The following NFRKB variants were observed in gnomAD, a reference collection of about 807,000 sequenced individuals.
NFRKB encodes nuclear factor related to kappa-B-binding protein.
Under a neutral mutation model 135.7 loss-of-function variants are expected in NFRKB, and 62 were observed. The observed-to-expected ratio is 0.46, with a 90% CI of 0.37 to 0.56. NFRKB has a LOEUF of 0.56. NFRKB is among the 20% of genes least tolerant of loss of function. The pLI is 0.00. For missense variants in NFRKB, 1,545 were observed against 1,662.0 expected, an observed-to-expected ratio of 0.93 and a Z score of 1.22; for synonymous variants, 678 against 635.6, an observed-to-expected ratio of 1.07 and a Z score of -1.00.
chr11:129,870,287 G>T, intron 23 of NFRKB, 26 bp from the exon 24 acceptor site: 1 of 1,599,180 alleles, frequency 6.3e-7, no homozygotes, highest in Non-Finnish European at 8.6e-7. Context: ...CAGCACTGAT[G>T]AGGGATTCAC....
intron 3 of NFRKB, among the ~76,000 whole-genome samples, chr11:129,890,982 A>G (rs751217182): frequency 6.6e-6 from 1 of 152,268 alleles, no homozygotes; most frequent in African/African-American, 2.4e-5. Context: ...ATAACTGAAC[A>G]TAACAATGTA....
At chr11:129,882,291 C>A in intron 10 of NFRKB, 97 bp from the exon 11 acceptor site, 1 of 1,343,066 alleles carries the variant, frequency 7.4e-7, no homozygotes, top group South Asian at 1.4e-5. Flanking sequence ...TAAAAGAGTT[C>A]AAGAAAGGAG....
chr11:129,873,736 C>A lies in NFRKB; in HGVS notation c.2550+9G>T. ...TCTGCTTCCCAATGACCACGGCTTC[C>A]CTGTTTACCTGGGGCACTACTTTGG... On this transcript the variant is annotated intron_variant, in intron 22 of 26. Coordinates refer to ENST00000682444, the MANE Select transcript of NFRKB (RefSeq NM_001143835.2). The A allele has an allele frequency of 6.2e-7, 1 of 1,608,188 alleles. No individual in the cohort carries two copies. The highest frequency in any genetic ancestry group is 8.5e-7 in the Non-Finnish European group (1 of 1,174,958).
chr11:129,888,912 G>T, intron 3 of NFRKB, 117 bp from the exon 4 acceptor site: 1 of 735,550 alleles, frequency 1.4e-6, no homozygotes, highest in Non-Finnish European at 2.2e-6. Context: ...CCATTTTTAA[G>T]TGTAGACTTC....
Position 129,884,837 on chromosome 11 carries a change from G to T in NFRKB, c.650C>A (p.Ser217Ter). Reference sequence around the variant, plus strand: ...ACGTGCTGGAGAGCTCGGAAGCCATGAGCTGAGATCTTCAAAAGAAAATTG... The same window carrying T: ...ACGTGCTGGAGAGCTCGGAAGCCATTAGCTGAGATCTTCAAAAGAAAATTG... ...ALSSDEEDLS[S>*]WLPSSPARSP... is the part of the protein sequence containing the mutation. The change falls in exon 7 of 27, where the codon TCA becomes TAA. Residue 217 changes from serine (S) to a stop codon, truncating the protein, a stop_gained. Coordinates refer to ENST00000682444, the MANE Select transcript of NFRKB (RefSeq NM_001143835.2). LOFTEE classifies it high-confidence loss of function. 6.2e-7 allele frequency: 1 copy of T among 1,614,214 alleles called. No homozygotes were observed. Among genetic ancestry groups the T allele is most frequent in the East Asian group, 2.2e-5 (1 of 44,886 alleles).
rs1591505195 is a variant in NFRKB, at chr11:129,878,646, T to C, written c.1385-103A>G. 11 of 974,566 alleles carry C rather than the reference T, an allele frequency of 1.1e-5. No homozygotes were observed. In the East Asian group the frequency reaches 2.6e-4, roughly 23 times the overall value. The allele number at this position is 974,566 out of a possible 1,614,324, so 60.4% of individuals were successfully genotyped here. A position where few individuals can be genotyped will look rare whatever the true frequency, so the allele number is the denominator to read the frequency against. On this transcript the variant is annotated intron_variant, in intron 13 of 26. Transcript: ENST00000682444. ...GTAACTACAACACAGAGAGATTCTA[T>C]CAGGAGCTGTAGCAACAATCCTTCA...
At chr11:129,878,573 A>T (rs1189758413) in intron 13 of NFRKB, 30 bp from the exon 14 acceptor site, 5 of 1,557,372 alleles carry the variant, frequency 3.2e-6, no homozygotes, top group Non-Finnish European at 4.4e-6. Flanking sequence ...ATAAAAAAAT[A>T]AGAAGGTCTA....
In NFRKB at chr11:129,885,517, C is replaced by T. The variant is rs757828298; in HGVS notation, c.558G>A (p.Trp186Ter). Residue 186 changes from tryptophan to a stop codon, truncating the protein, a stop_gained, in exon 6 of 27, where the codon TGG becomes TGA. Coordinates refer to ENST00000682444, the MANE Select transcript of NFRKB (RefSeq NM_001143835.2). LOFTEE classifies it high-confidence loss of function. ...SPSRTPEEREWRTQQRYLKVL... is the reference protein window; with the variant it reads ...SPSRTPEERE ...CCTTCAAGTAGCGCTGCTGGGTCCGCCACTCCCGCTCCTCAGGTGTGCGGG... is the reference window on the plus strand; with the variant it reads ...CCTTCAAGTAGCGCTGCTGGGTCCGTCACTCCCGCTCCTCAGGTGTGCGGG... 1 of 1,614,162 alleles carries T rather than the reference C, an allele frequency of 6.2e-7. No homozygotes were observed. Among genetic ancestry groups the T allele is most frequent in the Non-Finnish European group, 8.5e-7 (1 of 1,179,994 alleles).
rs1382339376 is a variant in NFRKB, at chr11:129,882,478, G to A, written c.1055C>T (p.Pro352Leu). 13 of 1,613,606 alleles carry A rather than the reference G, an allele frequency of 8.1e-6. No individual in the cohort carries two copies. Among genetic ancestry groups the A allele is most frequent in the East Asian group, 4.5e-5 (2 of 44,884 alleles). ...TTCCTTGATAGCAGGAATTGCCAGCGGAGAGGGGGCCTGTGAGAGAGGTGC... is the reference window on the plus strand; with the variant it reads ...TTCCTTGATAGCAGGAATTGCCAGCAGAGAGGGGGCCTGTGAGAGAGGTGC... ...GVAPLSQAPS[P>L]LAIPAIKEEP... The change falls in exon 10 of 27, where the codon CCG becomes CTG. Residue 352 changes from proline to leucine, a missense_variant. By Grantham distance (98) the Pro-to-Leu change is moderately conservative. Around this residue, in one of 3 missense-constraint regions of NFRKB, gnomAD observed 678 missense variants for 646.7 expected, o/e 1.05. Transcript: ENST00000682444.
chr11:129,883,090 A>T, intron 9 of NFRKB, 32 bp downstream of exon 9: 1 of 1,603,978 alleles, frequency 6.2e-7, no homozygotes. Context: ...CCATAGTCAG[A>T]TGAAGGCTCC....
Position 129,874,277 on chromosome 11 carries a change from C to G in NFRKB, c.2115G>C (p.Gln705His), listed in dbSNP as rs375763947. The G allele has an allele frequency of 1.7e-5, 26 of 1,516,498 alleles. No individual in the cohort carries two copies. The African/African-American group carries it at 2.4e-4, about 14-fold the overall frequency. The allele number at this position is 1,516,498 out of a possible 1,614,324, so 93.9% of individuals were successfully genotyped here. A position where few individuals can be genotyped will look rare whatever the true frequency, so the allele number is the denominator to read the frequency against. ...IKVLSSGPSEQSQMSLSDSSM... is the reference protein window; with the variant it reads ...IKVLSSGPSEHSQMSLSDSSM... ...TGGAGTCACTGAGGCTCATCTGGCT[C>G]TGCTCAGAAGGGCCACTGCTAAGGA... Residue 705 changes from glutamine to histidine, a missense_variant, in exon 21 of 27, where the codon CAG becomes CAC. Physicochemically the swap from Gln to His is conservative, Grantham distance 24. Around this residue, in one of 3 missense-constraint regions of NFRKB, gnomAD observed 753 missense variants for 804.3 expected, o/e 0.94. Coordinates refer to ENST00000682444, the MANE Select transcript of NFRKB (RefSeq NM_001143835.2). This position sits in a 1 kb window ranked among gnomAD's most constrained non-coding sequence, Gnocchi z 4.5.
intron 24 of NFRKB, 104 bp downstream of exon 24, chr11:129,869,390 A>G: frequency 7.3e-7 from 1 of 1,365,824 alleles, no homozygotes. Context: ...CCACTCCTAA[A>G]AAGAAGTTTC....
chr11:129,865,803 G>A, intron 25 of NFRKB, 74 bp downstream of exon 25: 3 of 1,360,896 alleles, frequency 2.2e-6, no homozygotes, highest in Non-Finnish European at 3.1e-6. Context: ...TTGCCACTCG[G>A]TGACAAGGAC....
At chr11:129,886,248 G>C (rs1949272056) in intron 5 of NFRKB, 69 bp downstream of exon 5, 1 of 1,543,274 alleles carries the variant, frequency 6.5e-7, no homozygotes, top group South Asian at 1.2e-5. Flanking sequence ...TTTTGCACCT[G>C]AATTGCTTCT....
intron 2 of NFRKB, 136 bp downstream of exon 2, chr11:129,894,223 C>T (rs1478290404): frequency 6.6e-6 from 1 of 152,214 alleles, no homozygotes; most frequent in Non-Finnish European, 1.5e-5. Context: ...TTTACTAAAT[C>T]CATCCTTTCC....
At chr11:129,893,122 T>A in intron 2 of NFRKB, 1 of 1,346,644 alleles carries the variant, frequency 7.4e-7, no homozygotes, top group Non-Finnish European at 9.6e-7. Context: ...AAATTTCATA[T>A]GCCTTCATTT....
chr11:129,885,112 G>C (rs1949211576), intron 6 of NFRKB, among the ~76,000 whole-genome samples: 1 of 152,204 alleles, frequency 6.6e-6, no homozygotes, highest in East Asian at 1.9e-4. Flanking sequence ...GGGGAAAACA[G>C]TTCTCTCAAG....
At chr11:129,866,491 G>C (rs576267292) in intron 24 of NFRKB, among the ~76,000 whole-genome samples, 19 of 151,812 alleles carry the variant, frequency 1.3e-4, no homozygotes, top group Admixed American at 1.2e-3. Context: ...ACAAACAGCA[G>C]GGCATGCTAG....
At chr11:129,883,988 G>T in intron 8 of NFRKB, 82 bp downstream of exon 8, 1 of 1,381,984 alleles carries the variant, frequency 7.2e-7, no homozygotes, top group Non-Finnish European at 1.0e-6. Context: ...ACGAGGCAGT[G>T]ATGCCCCGTG....
Sources: allele counts gnomAD v4.1 joint callset (sites outside exome capture counted in the v4.1 genomes callset), GRCh38; gene constraint gnomAD v4.1.1; regional missense constraint gnomAD v4.1.1; non-coding constraint Gnocchi (gnomAD v3.1); transcripts MANE v1.5; gene names NCBI Gene and HGNC (gene_info 2026-07-23, HGNC 2026-07-21).